The following CALN1 variants were observed in gnomAD, a reference collection of about 807,000 sequenced individuals.
The protein encoded by CALN1 is calneuron 1, also known as calcium-binding protein 8.
A neutral mutation model predicts 30.6 loss-of-function variants in CALN1; 17 were observed. The ratio of observed to expected loss-of-function variants is 0.56; its 90% CI spans 0.38 to 0.83. The LOEUF (loss-of-function observed/expected upper bound fraction) is 0.83. Among genes scored for constraint, CALN1 ranks in the 40% least tolerant of loss-of-function variants. The pLI, the probability that CALN1 is intolerant of heterozygous loss-of-function variation, is 0.00. For missense variants in CALN1, 291 were observed against 354.9 expected (o/e 0.82, Z 1.45); for synonymous variants, 156 against 131.4 (o/e 1.19, Z -1.28).
intron 5 of CALN1, among the ~76,000 whole-genome samples, chr7:71,934,321 A>G (rs1795717448): frequency 6.6e-6 from 1 of 152,206 alleles, no homozygotes; most frequent in Non-Finnish European, 1.5e-5. Flanking sequence ...GGATGTGTGA[A>G]GTCACTGGTA....
At chr7:72,290,832 A>C (rs28451417) in intron 2 of CALN1, among the ~76,000 whole-genome samples, 1,999 of 152,152 alleles carry the variant, frequency 0.013, 39 homozygotes, top group African/African-American at 0.043. Context: ...CATTTCCAGA[A>C]GTTTACTTTG....
At chr7:72,165,139 G>A (rs534855717) in intron 3 of CALN1, among the ~76,000 whole-genome samples, 4 of 152,274 alleles carry the variant, frequency 2.6e-5, no homozygotes, top group African/African-American at 7.2e-5. Context: ...CAAGATATAA[G>A]ATTAAAGACC....
chr7:72,266,613 T>G (rs1796612915), intron 3 of CALN1, among the ~76,000 whole-genome samples: 1 of 152,242 alleles, frequency 6.6e-6, no homozygotes, highest in African/African-American at 2.4e-5. Flanking sequence ...GTTGTGTTTT[T>G]TCTTTTATCT....
intron 2 of CALN1, among the ~76,000 whole-genome samples, chr7:72,305,881 GT>G (rs1799611768): frequency 6.6e-6 from 1 of 152,154 alleles, no homozygotes; most frequent in Admixed American, 6.6e-5. Context: ...TCCTCACATG[GT>G]CGGGGAGAGA....
intron 3 of CALN1, among the ~76,000 whole-genome samples, chr7:72,115,215 AATATATACT>A (rs1295913412): frequency 6.9e-6 from 1 of 145,734 alleles, no homozygotes; most frequent in Non-Finnish European, 1.5e-5. Context: ...TATAATATAT[AATATATACT>A]ATATATAATA....
intron 3 of CALN1, among the ~76,000 whole-genome samples, chr7:72,122,134 T>C (rs984322418): frequency 7.9e-5 from 12 of 151,968 alleles, no homozygotes; most frequent in South Asian, 4.1e-4. Context: ...TACGGCAATA[T>C]TGGATGTGCC....
Position 72,403,422 on chromosome 7 carries a change from G to A in CALN1, c.-53C>T, listed in dbSNP as rs976102592. On this transcript the variant is annotated 5_prime_UTR_variant, in exon 2 of 7. In the 5' UTR this introduces an upstream ATG that the reference lacks. Coordinates refer to ENST00000395275, the MANE Select transcript of CALN1 (RefSeq NM_031468.4). ...AGAGTTAGAAGCTCATCAAAGGAACGTCAGCGAAGGCACTGAGACTCTGAA... is the reference window on the plus strand; with the variant it reads ...AGAGTTAGAAGCTCATCAAAGGAACATCAGCGAAGGCACTGAGACTCTGAA... 17 of 1,404,192 alleles carry A rather than the reference G, an allele frequency of 1.2e-5. No individual in the cohort carries two copies. The East Asian group carries it at 1.2e-4, about 10-fold the overall frequency. The allele number at this position is 1,404,192 out of a possible 1,614,324, so 87.0% of individuals were successfully genotyped here. A position where few individuals can be genotyped will look rare whatever the true frequency, so the allele number is the denominator to read the frequency against.
intron 5 of CALN1, among the ~76,000 whole-genome samples, chr7:71,831,743 C>T (rs1789288218): frequency 1.3e-5 from 2 of 151,288 alleles, no homozygotes; most frequent in Admixed American, 1.3e-4. Flanking sequence ...AAAAACAAGC[C>T]GGGTGCAGTG....
intron 5 of CALN1, among the ~76,000 whole-genome samples, chr7:71,856,107 G>A (rs1790932181): frequency 6.6e-6 from 1 of 151,234 alleles, no homozygotes; most frequent in Non-Finnish European, 1.5e-5. Flanking sequence ...GTATATATTT[G>A]AGAGTTTTCA....
intron 4 of CALN1, among the ~76,000 whole-genome samples, chr7:72,054,163 A>G (rs1313432068): frequency 6.6e-6 from 1 of 152,010 alleles, no homozygotes; most frequent in Non-Finnish European, 1.5e-5. Context: ...GATACCCAGC[A>G]GTGGGATTGC....
At chr7:72,199,753 G>A (rs1562725169) in intron 3 of CALN1, among the ~76,000 whole-genome samples, 1 of 151,924 alleles carries the variant, frequency 6.6e-6, no homozygotes, top group African/African-American at 2.4e-5. Flanking sequence ...AGGATCGCTG[G>A]AGCCCAGGAG....
chr7:72,072,349 G>A (rs976175308), intron 4 of CALN1, among the ~76,000 whole-genome samples: 4 of 152,210 alleles, frequency 2.6e-5, no homozygotes, highest in African/African-American at 9.7e-5. Flanking sequence ...CCAGAAGGCA[G>A]TGGGCTGATA....
At chr7:72,195,123 G>C (rs1256614153) in intron 3 of CALN1, among the ~76,000 whole-genome samples, 8 of 152,114 alleles carry the variant, frequency 5.3e-5, no homozygotes, top group Admixed American at 5.2e-4. Flanking sequence ...GTGCCTTCAT[G>C]CATCAGCTCA....
chr7:72,441,319 C>G (rs956401259), intron 1 of CALN1, among the ~76,000 whole-genome samples: 2 of 151,750 alleles, frequency 1.3e-5, no homozygotes, highest in African/African-American at 2.4e-5. Context: ...GAATGAGGGC[C>G]AGGCACGGTG....
At chr7:72,394,658 T>C (rs1468597527) in intron 2 of CALN1, among the ~76,000 whole-genome samples, 1 of 104,944 alleles carries the variant, frequency 9.5e-6, no homozygotes, top group Non-Finnish European at 1.8e-5. Flanking sequence ...AGGGGTACCA[T>C]TGACTTTTTT....
Position 71,786,963 on chromosome 7 carries a change from T to C in CALN1, c.*812A>G, listed in dbSNP as rs1793012889. 6.6e-6 allele frequency: 1 copy of C among 152,618 alleles called. No individual in the cohort carries two copies. The highest frequency in any genetic ancestry group is 2.1e-4 in the South Asian group (1 of 4,824). 9.5% of individuals were successfully genotyped at this position (152,618 alleles called of 1,614,324 possible). ...ATCACACACGAAGAAGCCAAATATA[T>C]ATATCTGTCTATGTTATAGAGATGC... On this transcript the variant is annotated 3_prime_UTR_variant, in exon 7 of 7. Transcript: ENST00000395275.
intron 5 of CALN1, among the ~76,000 whole-genome samples, chr7:71,853,930 T>C (rs1170191457): frequency 6.6e-6 from 1 of 152,166 alleles, no homozygotes; most frequent in African/African-American, 2.4e-5. Context: ...TAATGGTTCG[T>C]GATTTTCATG....
At chr7:72,430,023 G>T (rs1017442722) in intron 1 of CALN1, among the ~76,000 whole-genome samples, 2 of 150,932 alleles carry the variant, frequency 1.3e-5, no homozygotes, top group Admixed American at 6.6e-5. Flanking sequence ...GTTTCACCTT[G>T]TTGGCCAGGC....
At chr7:71,811,474 T>A (rs1787954287) in intron 5 of CALN1, among the ~76,000 whole-genome samples, 2 of 152,170 alleles carry the variant, frequency 1.3e-5, no homozygotes, top group Admixed American at 6.5e-5. Context: ...CTGAAAGTGC[T>A]GGGATTACAG....
Sources: allele counts gnomAD v4.1 joint callset (sites outside exome capture counted in the v4.1 genomes callset), GRCh38; gene constraint gnomAD v4.1.1; transcripts MANE v1.5; gene names NCBI Gene and HGNC (gene_info 2026-07-23, HGNC 2026-07-21).